Variants in RNF32 observed in about 807,000 individuals in gnomAD.
RNF32 encodes ring finger protein 32.
A neutral mutation model predicts 41.0 loss-of-function variants in RNF32; 36 were observed. That is an observed-to-expected ratio of 0.88 (90% CI 0.67 to 1.16). RNF32 has a LOEUF of 1.16. Ranked by LOEUF, RNF32 falls within the 50% of genes most tolerant of loss-of-function variation. The probability of loss-of-function intolerance (pLI) is 0.00; values close to 1 mark genes in which losing one functional copy is unlikely to be tolerated. For synonymous variants in RNF32, 154 were observed against 160.9 expected, an observed-to-expected ratio of 0.96 and a Z score of 0.32; for missense variants, 413 against 436.7, an observed-to-expected ratio of 0.95 and a Z score of 0.48.
intron 3 of RNF32, among the ~76,000 whole-genome samples, chr7:156,653,547 A>G (rs768329533): frequency 6.6e-6 from 1 of 152,104 alleles, no homozygotes; most frequent in Non-Finnish European, 1.5e-5. Flanking sequence ...GTTTTCTGTC[A>G]TGTTTTGTCG....
At chr7:156,652,989 TAAAGA>T (rs1474425002) in intron 3 of RNF32, among the ~76,000 whole-genome samples, 1 of 152,170 alleles carries the variant, frequency 6.6e-6, no homozygotes, top group East Asian at 1.9e-4. Flanking sequence ...AATTTATTAT[TAAAGA>T]AAATATATTT....
chr7:156,654,022 G>A (rs1036094829), intron 3 of RNF32, among the ~76,000 whole-genome samples: 1 of 152,012 alleles, frequency 6.6e-6, no homozygotes, highest in Non-Finnish European at 1.5e-5. Flanking sequence ...GAGTTATTGG[G>A]AAATGAAATA....
chr7:156,655,360 T>G (rs1372104883), intron 4 of RNF32, among the ~76,000 whole-genome samples: 1 of 152,150 alleles, frequency 6.6e-6, no homozygotes, highest in African/African-American at 2.4e-5. Flanking sequence ...AACTAAACTA[T>G]TGTCCCCTGA....
intron 7 of RNF32, among the ~76,000 whole-genome samples, chr7:156,675,282 T>C (rs1803601052): frequency 6.6e-6 from 1 of 152,214 alleles, no homozygotes; most frequent in Non-Finnish European, 1.5e-5. Flanking sequence ...GCAAGGCCTG[T>C]GTGCTGTCTC....
upstream of RNF32, chr7:156,640,401 C>T (rs748027551): frequency 9.4e-6 from 4 of 426,020 alleles, no homozygotes; most frequent in Non-Finnish European, 1.9e-5. Flanking sequence ...TACAGCGAAG[C>T]CGGCGCGGGG....
chr7:156,660,370 G>C (rs998199081), intron 7 of RNF32: 1 of 884,190 alleles, frequency 1.1e-6, no homozygotes, highest in African/African-American at 1.8e-5. Flanking sequence ...TTACAAATGT[G>C]GTTTTTCCTT....
Position 156,676,729 on chromosome 7 carries a change from C to G in RNF32, c.*74C>G. On this transcript the variant is annotated 3_prime_UTR_variant, in exon 9 of 9. Coordinates refer to ENST00000317955, the MANE Select transcript of RNF32 (RefSeq NM_030936.4). The stretch of plus-strand genomic sequence containing the variant: ...TCATTTTGGATGAACTGCATGAGTT[C>G]TGGGTTAAGTACTACAATGTAATCT... 1 of 1,067,132 alleles carries G rather than the reference C, an allele frequency of 9.4e-7. No individual in the cohort carries two copies. Among genetic ancestry groups the G allele is most frequent in the Non-Finnish European group, 1.4e-6 (1 of 701,582 alleles). 66.1% of individuals were successfully genotyped at this position (1,067,132 alleles called of 1,614,324 possible).
chr7:156,664,510 T>C (rs1185768125), intron 7 of RNF32, among the ~76,000 whole-genome samples: 1 of 152,126 alleles, frequency 6.6e-6, no homozygotes, highest in African/African-American at 2.4e-5. Flanking sequence ...CACTAGGTGG[T>C]AATTTGTCCT....
At chr7:156,646,203 G>A (rs1173730300) in intron 3 of RNF32, among the ~76,000 whole-genome samples, 1 of 152,196 alleles carries the variant, frequency 6.6e-6, no homozygotes, top group East Asian at 1.9e-4. Context: ...TCGTTTCCCA[G>A]TGCTGCCACA....
In RNF32 at chr7:156,654,940, A is replaced by G. The variant is rs934161244; in HGVS notation, c.417+222A>G. On this transcript the variant is annotated intron_variant, in intron 4 of 8. Coordinates refer to ENST00000317955, the MANE Select transcript of RNF32 (RefSeq NM_030936.4). ...TTACTAACTGGTATTCTCAAGTACT[A>G]AAGTTTGTACAAAAGGAATGTTTCT... The G allele has an allele frequency of 7.0e-6, 3 of 426,736 alleles. No individual in the cohort carries two copies. The Admixed American group carries it at 1.1e-4, about 16-fold the overall frequency. 26.4% of individuals were successfully genotyped at this position (426,736 alleles called of 1,614,324 possible). A position where few individuals can be genotyped will look rare whatever the true frequency, so the allele number is the denominator to read the frequency against.
intron 3 of RNF32, among the ~76,000 whole-genome samples, chr7:156,649,359 C>G (rs903814813): frequency 2.6e-5 from 4 of 151,994 alleles, no homozygotes; most frequent in African/African-American, 9.7e-5. Flanking sequence ...TGCAGTGATT[C>G]TTATTGTCTG....
intron 7 of RNF32, among the ~76,000 whole-genome samples, chr7:156,666,529 T>C (rs963064563): frequency 1.3e-5 from 2 of 152,208 alleles, no homozygotes; most frequent in African/African-American, 4.8e-5. Flanking sequence ...TATTGAAGTC[T>C]TGTGGTAAGA....
chr7:156,671,849 A>T lies in RNF32; in HGVS notation c.685-3847A>T, dbSNP rs189336546. ...CTGAGGCTAGAAATAAATTTTTTTT[A>T]AAAAAATAGAACTATCTCACGTTTG... is the stretch of plus-strand genomic sequence containing the variant. On this transcript the variant is annotated intron_variant, in intron 7 of 8. Coordinates refer to ENST00000317955, the MANE Select transcript of RNF32 (RefSeq NM_030936.4). Among the ~76,000 whole-genome samples the T allele has an allele frequency of 5.3e-3, 749 of 140,886 alleles. 4 individuals are homozygous for T. The highest frequency in any genetic ancestry group is 0.017 in the African/African-American group (627 of 36,814). 92.4% of individuals were successfully genotyped at this position (140,886 alleles called of 152,430 possible). A position where few individuals can be genotyped will look rare whatever the true frequency, so the allele number is the denominator to read the frequency against.
Position 156,640,795 on chromosome 7 carries a change from T to A in RNF32, c.-94T>A, listed in dbSNP as rs1385616706. ...GGGCAGACGTCCCTGGGTTCCGGTG[T>A]TCGCGGAGGAGTCGAGGCACGGAGA... On this transcript the variant is annotated 5_prime_UTR_variant, in exon 1 of 9. Transcript: ENST00000317955. 3 of 231,734 alleles carry A rather than the reference T, an allele frequency of 1.3e-5. No individual in the cohort carries two copies. Among genetic ancestry groups the A allele is most frequent in the Non-Finnish European group, 2.6e-5 (3 of 114,928 alleles). 14.4% of individuals were successfully genotyped at this position (231,734 alleles called of 1,614,324 possible).
At chr7:156,666,342 C>T (rs573482052) in intron 7 of RNF32, among the ~76,000 whole-genome samples, 2 of 152,294 alleles carry the variant, frequency 1.3e-5, no homozygotes, top group East Asian at 3.9e-4. Context: ...AGTTTTCATG[C>T]ACCTTTTGGG....
chr7:156,641,427 T>C (rs978070846), intron 1 of RNF32, among the ~76,000 whole-genome samples: 2 of 152,216 alleles, frequency 1.3e-5, no homozygotes, highest in African/African-American at 4.8e-5. Context: ...ATCTTAGCTT[T>C]CAATACTGGG....
chr7:156,671,451 T>C lies in RNF32; in HGVS notation c.685-4245T>C, dbSNP rs1023774142. ...TCTAAAGCAAAGGCATCATTAGAGA[T>C]AATGGTGTAGAACACCACACCGAGC... On this transcript the variant is annotated intron_variant, in intron 7 of 8. Transcript: ENST00000317955. Among the ~76,000 whole-genome samples, 3 of 152,260 alleles carry C rather than the reference T, an allele frequency of 2.0e-5. No individual in the cohort carries two copies. In the East Asian group the frequency reaches 5.8e-4, roughly 29 times the overall value.
chr7:156,644,343 G>A (rs1473065728), intron 2 of RNF32, among the ~76,000 whole-genome samples, 156 bp from the exon 3 acceptor site: 1 of 152,170 alleles, frequency 6.6e-6, no homozygotes, highest in Non-Finnish European at 1.5e-5. Context: ...GCTGAGACAA[G>A]GGTCTGCTCC....
chr7:156,659,717 G>A, intron 7 of RNF32: 1 of 782,938 alleles, frequency 1.3e-6, no homozygotes, highest in Non-Finnish European at 1.5e-6. Context: ...CCATTGAACT[G>A]GACGAGAACT....
Sources: allele counts gnomAD v4.1 joint callset (sites outside exome capture counted in the v4.1 genomes callset), GRCh38; gene constraint gnomAD v4.1.1; transcripts MANE v1.5; gene names NCBI Gene and HGNC (gene_info 2026-07-23, HGNC 2026-07-21).